Variants in PPFIBP2 observed in about 807,000 individuals in gnomAD.
PPFIBP2 encodes the protein liprin-beta-2.
PPFIBP2 carries 118 observed loss-of-function variants against 118.3 expected under a neutral mutation model. The ratio of observed to expected loss-of-function variants is 1.00; its 90% CI spans 0.86 to 1.16. The LOEUF (loss-of-function observed/expected upper bound fraction) is 1.16. Among genes scored for constraint, PPFIBP2 ranks in the 50% most tolerant of loss-of-function variants. The probability of loss-of-function intolerance (pLI) is 0.00; values close to 1 mark genes in which losing one functional copy is unlikely to be tolerated. For missense variants in PPFIBP2, 1,195 were observed against 1,073.1 expected, an observed-to-expected ratio of 1.11 and a Z score of -1.59; for synonymous variants, 414 against 397.4, an observed-to-expected ratio of 1.04 and a Z score of -0.50.
At chr11:7,522,555 T>C (rs1440846432) in intron 1 of PPFIBP2, among the ~76,000 whole-genome samples, 1 of 152,122 alleles carries the variant, frequency 6.6e-6, no homozygotes, top group African/African-American at 2.4e-5. Context: ...CTGTAGCACA[T>C]GAGTTTAGCC....
rs1185878392 is a variant in PPFIBP2 at position 7,642,440 on chromosome 11, C to T, written c.1646+14C>T. On this transcript the variant is annotated intron_variant, in intron 17 of 23. Transcript: ENST00000299492. Reference sequence around the variant, plus strand: ...GGGACAGAAAAGGTAAGGCTTGACCCACTTTCCTTTGATCTCCCTGCTCTG... The same window carrying T: ...GGGACAGAAAAGGTAAGGCTTGACCTACTTTCCTTTGATCTCCCTGCTCTG... The T allele has an allele frequency of 6.2e-7, 1 of 1,605,874 alleles. No individual in the cohort carries two copies. Among genetic ancestry groups the T allele is most frequent in the South Asian group, 1.1e-5 (1 of 89,986 alleles).
At chr11:7,636,881 C>T (rs1479899301) in intron 14 of PPFIBP2, among the ~76,000 whole-genome samples, 1 of 152,218 alleles carries the variant, frequency 6.6e-6, no homozygotes, top group East Asian at 1.9e-4. Flanking sequence ...TACACAGGTG[C>T]AGAACCGCTC....
At chr11:7,577,340 T>TGTGC (rs1564994470) in intron 3 of PPFIBP2, 2 of 333,802 alleles carry the variant, frequency 6.0e-6, no homozygotes, top group Non-Finnish European at 1.2e-5. Flanking sequence ...TGTGTGTGTG[T>TGTGC]GTGTGTGTGT....
At chr11:7,656,432 G>A (rs149243221), downstream of PPFIBP2, among the ~76,000 whole-genome samples, 163 of 152,280 alleles carry the variant, frequency 1.1e-3, 1 homozygote, top group Middle Eastern at 0.01. Context: ...TTTACTCAAC[G>A]TTTTTATTTA....
rs748192473 is a variant in PPFIBP2 at position 7,610,300 on chromosome 11, A to AGCCGCACATCGCC, written c.506_507insGCCGCCGCACATC (p.Leu170ProfsTer6). On this transcript the variant is annotated frameshift_variant, in exon 6 of 24. Coordinates refer to ENST00000299492, the MANE Select transcript of PPFIBP2 (RefSeq NM_003621.5). LOFTEE classifies it high-confidence loss of function. ...CTGTTTTTGCTTGCAGGAGCTGCTAAGCCGCACATCTCTTGAGACCCAGAA... is the reference window on the plus strand; with the variant it reads ...CTGTTTTTGCTTGCAGGAGCTGCTAAGCCGCACATCGCCGCCGCACATCTCTTGAGACCCAGAA... 6.2e-6 allele frequency: 10 copies of AGCCGCACATCGCC among 1,613,938 alleles called. No individual in the cohort carries two copies. Among genetic ancestry groups the AGCCGCACATCGCC allele is most frequent in the Non-Finnish European group, 8.5e-6 (10 of 1,179,888 alleles).
chr11:7,635,310 C>T (rs1007742088), intron 13 of PPFIBP2, among the ~76,000 whole-genome samples: 24 of 152,036 alleles, frequency 1.6e-4, no homozygotes, highest in Non-Finnish European at 1.5e-5. Flanking sequence ...TGGCTCTGCT[C>T]CCATGGTCAC....
At chr11:7,516,195 G>C (rs891516253) in intron 1 of PPFIBP2, among the ~76,000 whole-genome samples, 1 of 152,204 alleles carries the variant, frequency 6.6e-6, no homozygotes, top group African/African-American at 2.4e-5. Flanking sequence ...TGGGAGTGTG[G>C]TGGGAAGCAA....
the PPFIBP2 span, chr11:7,665,931 A>C: frequency 6.5e-7 from 1 of 1,535,864 alleles, no homozygotes; most frequent in African/African-American, 1.4e-5. Context: ...CCCTCTGCCG[A>C]CCAGGGACCT....
At chr11:7,628,821 G>A (rs1222107243) in intron 9 of PPFIBP2, among the ~76,000 whole-genome samples, 1 of 152,194 alleles carries the variant, frequency 6.6e-6, no homozygotes, top group African/African-American at 2.4e-5. Flanking sequence ...AAGAGTGCCT[G>A]GCTGGTATAA....
At chr11:7,516,417 G>A (rs771731424) in intron 1 of PPFIBP2, among the ~76,000 whole-genome samples, 2 of 151,984 alleles carry the variant, frequency 1.3e-5, no homozygotes, top group African/African-American at 2.4e-5. Context: ...AAGTGAGGAG[G>A]GAGAAACAAT....
chr11:7,537,506 A>G (rs969266805), intron 1 of PPFIBP2, among the ~76,000 whole-genome samples: 3 of 152,170 alleles, frequency 2.0e-5, no homozygotes, highest in African/African-American at 7.2e-5. Flanking sequence ...CAAATCTTAG[A>G]ACGTGTGAGT....
chr11:7,642,360 G>A lies in PPFIBP2; in HGVS notation c.1580G>A (p.Arg527Gln). Residue 527 changes from arginine (R) to glutamine (Q), a missense_variant, in exon 17 of 24, where the codon CGA becomes CAA. Coordinates refer to ENST00000299492, the MANE Select transcript of PPFIBP2 (RefSeq NM_003621.5). ...TDTLGMAEFR[R>Q]GGLRATAGPR... The stretch of plus-strand genomic sequence containing the variant: ...ACGCTGGGGATGGCAGAGTTTCGAC[G>A]AGGTGGGCTCCGGGCAACCGCAGGG... The A allele has an allele frequency of 1.5e-5, 24 of 1,614,106 alleles. No homozygotes were observed. The highest frequency in any genetic ancestry group is 1.9e-5 in the Non-Finnish European group (23 of 1,179,990).
intron 2 of PPFIBP2, among the ~76,000 whole-genome samples, chr11:7,558,649 G>A (rs1466826083): frequency 2.6e-5 from 4 of 151,950 alleles, no homozygotes; most frequent in South Asian, 2.1e-4. Flanking sequence ...CCACCTACTC[G>A]GGAGGCTGAG....
At chr11:7,543,547 A>G (rs1852001790) in intron 1 of PPFIBP2, among the ~76,000 whole-genome samples, 1 of 152,240 alleles carries the variant, frequency 6.6e-6, no homozygotes, top group African/African-American at 2.4e-5. Context: ...CTGGAGGCAC[A>G]GGGAATAGCA....
chr11:7,565,457 C>T lies in PPFIBP2; in HGVS notation c.65-96C>T. On this transcript the variant is annotated intron_variant, in intron 2 of 23. Transcript: ENST00000299492. Reference sequence around the variant, plus strand: ...AGCTCACCCCCAGCTTCTTATCTGTCCCTTTCACCGTTTCTTCACCACCTT... The same window carrying T: ...AGCTCACCCCCAGCTTCTTATCTGTTCCTTTCACCGTTTCTTCACCACCTT... 3 of 1,275,654 alleles carry T rather than the reference C, an allele frequency of 2.4e-6. No individual in the cohort carries two copies. In the South Asian group the frequency reaches 3.9e-5, roughly 17 times the overall value. The allele number at this position is 1,275,654 out of a possible 1,614,324, so 79.0% of individuals were successfully genotyped here.
At chr11:7,666,853 G>GGC in the PPFIBP2 span, 4 of 215,618 alleles carry the variant, frequency 1.9e-5, no homozygotes, top group Non-Finnish European at 3.7e-5. Context: ...GGCTTCACTC[G>GGC]GAGCTCCAGC....
Position 7,628,129 on chromosome 11 carries a change from C to T in PPFIBP2, c.827-156C>T, listed in dbSNP as rs979300249. ...TAGTCTAGCAAATATTTAAGGAGGC[C>T]GATTCTGTAGCAGACACCATCCCGG... On this transcript the variant is annotated intron_variant, in intron 8 of 23. Transcript: ENST00000299492. 1.1e-4 allele frequency among the ~76,000 whole-genome samples: 17 copies of T among 152,162 alleles called. No homozygotes were observed. The East Asian group carries it at 1.2e-3, about 10-fold the overall frequency.
intron 6 of PPFIBP2, among the ~76,000 whole-genome samples, chr11:7,615,965 A>G (rs183797961): frequency 1.3e-5 from 2 of 152,314 alleles, no homozygotes; most frequent in East Asian, 3.9e-4. Flanking sequence ...GATAATACCA[A>G]TAAAAAGGAA....
At chr11:7,656,882 C>A, downstream of PPFIBP2, 1 of 1,023,394 alleles carries the variant, frequency 9.8e-7, no homozygotes, top group Non-Finnish European at 1.3e-6. Flanking sequence ...ACACAGCCCC[C>A]TCTGCAAGCC....
Sources: allele counts gnomAD v4.1 joint callset (sites outside exome capture counted in the v4.1 genomes callset), GRCh38; gene constraint gnomAD v4.1.1; transcripts MANE v1.5; gene names NCBI Gene and HGNC (gene_info 2026-07-23, HGNC 2026-07-21).